ZNF578: variants seen among roughly 807,000 people sequenced by gnomAD.
The protein encoded by ZNF578 is Putative chemokine-related protein B42.
ZNF578 carries 8 observed loss-of-function variants against 8.3 expected under a neutral mutation model. The ratio of observed to expected loss-of-function variants is 0.96; its 90% confidence interval spans 0.56 to 1.74. ZNF578 has a LOEUF of 1.74. Among genes scored for constraint, ZNF578 ranks in the 40% most tolerant of loss-of-function variants. The pLI, the probability that ZNF578 is intolerant of heterozygous loss-of-function variation, is 0.00. For missense variants in ZNF578, 726 were observed against 707.5 expected (o/e 1.03, Z -0.30); for synonymous variants, 206 against 232.2 (o/e 0.89, Z 1.03).
At chr19:52,464,149 T>C (rs10418518) in intron 2 of ZNF578, among the ~76,000 whole-genome samples, 1 of 152,158 alleles carries the variant, frequency 6.6e-6, no homozygotes, top group African/African-American at 2.4e-5. Flanking sequence ...TATGGTATTA[T>C]GTGGCAAAAA....
intron 2 of ZNF578, chr19:52,473,229 T>G (rs1440657907): frequency 6.5e-6 from 1 of 152,988 alleles, no homozygotes; most frequent in Non-Finnish European, 1.5e-5. Flanking sequence ...ATACTCGGTT[T>G]GTAATGACTG....
At chr19:52,469,929 T>C (rs1048728251) in intron 2 of ZNF578, among the ~76,000 whole-genome samples, 6 of 152,100 alleles carry the variant, frequency 3.9e-5, no homozygotes, top group African/African-American at 1.4e-4. Context: ...CCTACAATAA[T>C]TGGTGCACAC....
chr19:52,508,616 G>A (rs1168619317), intron 5 of ZNF578, among the ~76,000 whole-genome samples: 1 of 151,628 alleles, frequency 6.6e-6, no homozygotes, highest in Non-Finnish European at 1.5e-5. Flanking sequence ...TAACCAACAG[G>A]AGAAACCCCA....
rs1201121859 is a variant in ZNF578 at position 52,456,970 on chromosome 19, T to G, written c.-122+12T>G. The G allele has an allele frequency of 1.3e-5, 2 of 153,318 alleles. No individual in the cohort carries two copies. Among genetic ancestry groups the G allele is most frequent in the African/African-American group, 2.4e-5 (1 of 41,440 alleles). The allele number at this position is 153,318 out of a possible 1,614,324, so 9.5% of individuals were successfully genotyped here. ...GGAATGCCTCTTAGGTACAGTGATA[T>G]TCTCAGTGGACTGTTGTGTGTCTCC... On this transcript the variant is annotated intron_variant, in intron 2 of 5. Coordinates refer to ENST00000421239, the MANE Select transcript of ZNF578 (RefSeq NM_001099694.2).
intron 2 of ZNF578, chr19:52,473,287 A>T (rs2059297822): frequency 1.3e-5 from 2 of 157,044 alleles, no homozygotes; most frequent in African/African-American, 4.8e-5. Context: ...ATTTGTGACT[A>T]AAGACCTTAC....
chr19:52,505,690 C>T (rs1302858889), intron 5 of ZNF578, among the ~76,000 whole-genome samples: 1 of 152,118 alleles, frequency 6.6e-6, no homozygotes, highest in Admixed American at 6.5e-5. Context: ...TCCCAAAGTG[C>T]TGGGATTACA....
intron 5 of ZNF578, among the ~76,000 whole-genome samples, chr19:52,509,366 G>T (rs961554494): frequency 6.6e-6 from 1 of 152,104 alleles, no homozygotes; most frequent in South Asian, 2.1e-4. Context: ...TCTGCAGGCT[G>T]TATAAATGTA....
chr19:52,510,445 C>T (rs1418120511), intron 5 of ZNF578, 127 bp from the exon 6 acceptor site: 9 of 1,276,198 alleles, frequency 7.1e-6, no homozygotes, highest in East Asian at 2.6e-5. Context: ...CTTTTGTGTT[C>T]GTAAACTTTG....
chr19:52,469,623 T>C (rs553058948), intron 2 of ZNF578, among the ~76,000 whole-genome samples: 18 of 152,272 alleles, frequency 1.2e-4, no homozygotes, highest in African/African-American at 4.3e-4. Flanking sequence ...TTGTGCAAAA[T>C]AAATGTATTT....
intron 1 of ZNF578, chr19:52,456,220 T>C (rs1465559): frequency 0.91 from 138,761 of 152,296 alleles, 63,635 homozygotes; most frequent in Non-Finnish European, 0.96. Flanking sequence ...CTTTCTGCTC[T>C]TTTGCTGTCC....
rs776179893 is a variant in ZNF578, at chr19:52,513,319, G to GC, written c.*1166dup. Among the ~76,000 whole-genome samples the GC allele has an allele frequency of 4.1e-5, 6 of 145,122 alleles. No homozygotes were observed. Among genetic ancestry groups the GC allele is most frequent in the African/African-American group, 7.9e-5 (3 of 37,876 alleles). ...TTACAGGCATATGCCACCGCGCCTG[G>GC]CATTGTTTCTTCTTTTCCTTTTTTT... On this transcript the variant is annotated 3_prime_UTR_variant, in exon 6 of 6. Transcript: ENST00000421239.
intron 3 of ZNF578, among the ~76,000 whole-genome samples, chr19:52,495,210 G>GCT (rs2059381704): frequency 7.5e-6 from 1 of 134,028 alleles, no homozygotes; most frequent in Non-Finnish European, 1.7e-5. Context: ...TGTTGCCCAG[G>GCT]CTGGAGTGCA....
In ZNF578 at chr19:52,511,814, C is replaced by G; in HGVS notation, c.1433C>G (p.Thr478Ser). 1 of 1,613,792 alleles carries G rather than the reference C, an allele frequency of 6.2e-7. No homozygotes were observed. Among genetic ancestry groups the G allele is most frequent in the Non-Finnish European group, 8.5e-7 (1 of 1,179,872 alleles). ...CTTGAGAGACACAAGATAATTCATA[C>G]TGGAGAGAAACCTTACAAGTGTAAT... Reference protein sequence around the residue: ...SNLERHKIIHTGEKPYKCNEC... With the variant: ...SNLERHKIIHSGEKPYKCNEC... The change falls in exon 6 of 6, where the codon ACT (threonine) becomes AGT (serine). Residue 478 changes from threonine to serine, a missense_variant. Transcript: ENST00000421239.
At chr19:52,459,648 CACAT>C (rs1555751275) in intron 2 of ZNF578, among the ~76,000 whole-genome samples, 11 of 131,438 alleles carry the variant, frequency 8.4e-5, no homozygotes, top group African/African-American at 3.2e-4. Context: ...CACACACACA[CACAT>C]ATATATACTA....
At chr19:52,465,516 G>A (rs1231453056) in intron 2 of ZNF578, among the ~76,000 whole-genome samples, 3 of 152,126 alleles carry the variant, frequency 2.0e-5, no homozygotes, top group African/African-American at 4.8e-5. Context: ...CTCCAGTGCT[G>A]CACGCACCAA....
intron 2 of ZNF578, among the ~76,000 whole-genome samples, chr19:52,459,766 TATA>T (rs1444359184): frequency 1.8e-4 from 7 of 39,704 alleles, no homozygotes; most frequent in East Asian, 8.0e-4. Flanking sequence ...TATATATATA[TATA>T]TTTTTTTTTT....
intron 2 of ZNF578, among the ~76,000 whole-genome samples, chr19:52,485,154 C>T (rs997801316): frequency 4.6e-5 from 7 of 151,964 alleles, no homozygotes; most frequent in Non-Finnish European, 1.0e-4. Flanking sequence ...TCCTTTCACA[C>T]AGCCCAACCC....
intron 2 of ZNF578, among the ~76,000 whole-genome samples, chr19:52,469,926 T>C (rs2122793463): frequency 6.6e-6 from 1 of 152,216 alleles, no homozygotes; most frequent in African/African-American, 2.4e-5. Context: ...TGACCTACAA[T>C]AATTGGTGCA....
Position 52,510,459 on chromosome 19 carries a change from A to G in ZNF578, c.191-113A>G, listed in dbSNP as rs549177909. On this transcript the variant is annotated intron_variant, in intron 5 of 5. Transcript: ENST00000421239. ...ACTTTTGTGTTCGTAAACTTTGAAGATCATGTTTGGGAAGTTTAAAATAAG... is the reference window on the plus strand; with the variant it reads ...ACTTTTGTGTTCGTAAACTTTGAAGGTCATGTTTGGGAAGTTTAAAATAAG... 3.1e-5 allele frequency: 41 copies of G among 1,344,068 alleles called. No individual in the cohort carries two copies. In the East Asian group the frequency reaches 4.8e-4, roughly 16 times the overall value. The allele number at this position is 1,344,068 out of a possible 1,614,324, so 83.3% of individuals were successfully genotyped here.
Sources: gnomAD v4.1 joint callset for allele counts (sites outside exome capture counted in the v4.1 genomes callset) on GRCh38, gnomAD v4.1.1 for gene constraint, MANE v1.5 for transcripts, NCBI Gene and HGNC (gene_info 2026-07-23, HGNC 2026-07-21) for gene names.